The following BCAR1 variants were observed in gnomAD, a reference collection of about 807,000 sequenced individuals.
BCAR1 encodes the protein BCAR1 scaffold protein, Cas family member.
In BCAR1, 30 loss-of-function variants were observed where a neutral mutation model predicts 67.6. That is an observed-to-expected ratio of 0.44 (90% CI 0.33 to 0.60). The LOEUF (loss-of-function observed/expected upper bound fraction) is 0.60, where lower values mean the gene tolerates loss of function less well. Among genes scored for constraint, BCAR1 ranks in the 20% least tolerant of loss-of-function variants. BCAR1 has a pLI of 0.02. For missense variants in BCAR1, 1,313 were observed against 1,222.3 expected (o/e 1.07, Z -1.11); for synonymous variants, 626 against 556.7 (o/e 1.12, Z -1.75).
At chr16:75,251,626 G>A (rs1465975284), upstream of BCAR1, 1 of 1,007,048 alleles carries the variant, frequency 9.9e-7, no homozygotes, top group East Asian at 1.1e-4. Flanking sequence ...AGCCGGTCCA[G>A]CCGCTCTCCG....
upstream of BCAR1, among the ~76,000 whole-genome samples, chr16:75,252,710 G>A (rs1164950631): frequency 6.6e-6 from 1 of 152,244 alleles, no homozygotes; most frequent in Non-Finnish European, 1.5e-5. Flanking sequence ...TCACGCAGCA[G>A]AGAATTCTCA....
chr16:75,257,695 G>A (rs920865251), intron 1 of BCAR1, among the ~76,000 whole-genome samples: 2 of 152,152 alleles, frequency 1.3e-5, no homozygotes, highest in Non-Finnish European at 1.5e-5. Context: ...GGGCTCAAGC[G>A]ATCCTCCCGC....
chr16:75,259,898 A>G (rs954642986), intron 1 of BCAR1, among the ~76,000 whole-genome samples: 1 of 151,754 alleles, frequency 6.6e-6, no homozygotes, highest in Non-Finnish European at 1.5e-5. Context: ...TGCTCGAGGA[A>G]TAAAGCCAGA....
intron 1 of BCAR1, chr16:75,250,785 G>A (rs2077657021): frequency 1.0e-6 from 1 of 985,516 alleles, no homozygotes; most frequent in Non-Finnish European, 1.2e-6. Flanking sequence ...GCAGAACCCG[G>A]CCCTGGCCCC....
chr16:75,242,962 C>T lies in BCAR1; in HGVS notation c.141G>A (p.Ser47=), dbSNP rs1412384979. 36 of 1,613,140 alleles carry T rather than the reference C, an allele frequency of 2.2e-5. No homozygotes were observed. The East Asian group carries it at 3.3e-4, about 15-fold the overall frequency. Reference sequence around the variant, plus strand: ...GCACGATGCCCTGGCGCCCATGCAGCGAGCAGAGCCACCAGCCGTCCAGGC... The same window carrying T: ...GCACGATGCCCTGGCGCCCATGCAGTGAGCAGAGCCACCAGCCGTCCAGGC... ...TQGLDGWWLC[S]LHGRQGIVPG... The change falls in exon 2 of 7, where the codon TCG becomes TCA. Residue 47 remains serine, a synonymous_variant. Transcript: ENST00000162330.
upstream of BCAR1, among the ~76,000 whole-genome samples, chr16:75,255,339 T>C (rs970734880): frequency 2.6e-5 from 4 of 152,074 alleles, no homozygotes; most frequent in Non-Finnish European, 5.9e-5. Context: ...AGGTGAGCAC[T>C]GCCAGCCCCA....
At chr16:75,259,796 G>A (rs1279281805) in intron 1 of BCAR1, among the ~76,000 whole-genome samples, 8 of 141,442 alleles carry the variant, frequency 5.7e-5, no homozygotes, top group Admixed American at 4.5e-4. Context: ...AGGTTGCAGT[G>A]AGCCAAGATC....
At chr16:75,263,139 G>C in intron 1 of BCAR1, 1 of 928,064 alleles carries the variant, frequency 1.1e-6, no homozygotes, top group Non-Finnish European at 1.3e-6. Context: ...ATCCCTCAAC[G>C]AAGGGGCACA....
At chr16:75,241,129 T>C (rs1484122216) in intron 2 of BCAR1, among the ~76,000 whole-genome samples, 3 of 152,234 alleles carry the variant, frequency 2.0e-5, no homozygotes, top group Non-Finnish European at 4.4e-5. Context: ...ACGCTTTGTA[T>C]GTGTGGACGT....
intron 1 of BCAR1, among the ~76,000 whole-genome samples, chr16:75,245,498 G>C (rs112758113): frequency 6.6e-6 from 1 of 152,236 alleles, no homozygotes; most frequent in South Asian, 2.1e-4. Context: ...CAGGGAGGCC[G>C]GGGGCTCTGT....
chr16:75,251,708 C>G, upstream of BCAR1: 1 of 989,330 alleles, frequency 1.0e-6, no homozygotes, highest in Non-Finnish European at 1.2e-6. Context: ...TGGCCGCCGC[C>G]GCTCTCCATG....
At chr16:75,248,693 C>G (rs2077593457) in intron 1 of BCAR1, 1 of 157,862 alleles carries the variant, frequency 6.3e-6, no homozygotes, top group African/African-American at 2.4e-5. Context: ...GACTACATAG[C>G]CTGTGCACGG....
chr16:75,237,131 G>T, intron 3 of BCAR1, 52 bp downstream of exon 3: 1 of 1,498,140 alleles, frequency 6.7e-7, no homozygotes. Context: ...GGGCCAAGCA[G>T]AGGCACAGAC....
At chr16:75,267,936 T>C in exon 1 of BCAR1, 2 of 1,602,938 alleles carry the variant, frequency 1.2e-6, no homozygotes, top group Non-Finnish European at 1.7e-6. Flanking sequence ...GATCCTTGGG[T>C]GTGGGCCTGG....
intron 2 of BCAR1, among the ~76,000 whole-genome samples, chr16:75,241,920 G>A (rs1477385258): frequency 6.6e-6 from 1 of 152,178 alleles, no homozygotes; most frequent in Non-Finnish European, 1.5e-5. Context: ...GGCTCTCAGG[G>A]CAGTCCTCCT....
At chr16:75,250,296 G>A (rs138374126) in intron 1 of BCAR1, among the ~76,000 whole-genome samples, 4,554 of 151,130 alleles carry the variant, frequency 0.03, 99 homozygotes, top group Middle Eastern at 0.12. Context: ...CGCCACCCCC[G>A]TACCTGGGCC....
At chr16:75,261,536 C>T (rs557430560) in intron 1 of BCAR1, among the ~76,000 whole-genome samples, 11 of 152,388 alleles carry the variant, frequency 7.2e-5, no homozygotes, top group Middle Eastern at 3.4e-3. Context: ...GCGGCTCCCA[C>T]GGCCTGCAAT....
At chr16:75,250,526 G>T in intron 1 of BCAR1, 2 of 603,042 alleles carry the variant, frequency 3.3e-6, no homozygotes, top group Non-Finnish European at 4.2e-6. Flanking sequence ...AGGAAACCAG[G>T]GACTCTCAGG....
chr16:75,235,592 C>A lies in BCAR1; in HGVS notation c.1307G>T (p.Arg436Leu), dbSNP rs369603893. The A allele has an allele frequency of 6.5e-5, 104 of 1,589,674 alleles. No homozygotes were observed. In the Middle Eastern group the frequency reaches 8.3e-4, roughly 13 times the overall value. ...CAAGGAGGACGCAGACTGGCTGCTGCGTGTGCTGCCGGTGCTGGAGGCCGA... is the reference window on the plus strand; with the variant it reads ...CAAGGAGGACGCAGACTGGCTGCTGAGTGTGCTGCCGGTGCTGGAGGCCGA... ...RLSASSTGSTRSSQSASSLEV... is the reference protein window; with the variant it reads ...RLSASSTGSTLSSQSASSLEV... Residue 436 changes from arginine (R) to leucine (L), a missense_variant, in exon 5 of 7, where the codon CGC becomes CTC. Physicochemically the swap from Arg to Leu is moderately radical, Grantham distance 102. Coordinates refer to ENST00000162330, the MANE Select transcript of BCAR1 (RefSeq NM_014567.5).
Sources: gnomAD v4.1 joint callset for allele counts (sites outside exome capture counted in the v4.1 genomes callset) on GRCh38, gnomAD v4.1.1 for gene constraint, MANE v1.5 for transcripts, NCBI Gene and HGNC (gene_info 2026-07-23, HGNC 2026-07-21) for gene names.